Variants in VPS37A observed in about 807,000 individuals in gnomAD.
VPS37A encodes the protein VPS37A subunit of ESCRT-I.
A neutral mutation model predicts 49.8 loss-of-function variants in VPS37A; 30 were observed. That is an observed-to-expected ratio of 0.60 (90% confidence interval 0.45 to 0.82). The LOEUF is 0.82. Ranked by LOEUF, VPS37A falls within the 40% of genes least tolerant of loss-of-function variation. The pLI, the probability that VPS37A is intolerant of heterozygous loss-of-function variation, is 0.00. For missense variants in VPS37A, 593 were observed against 464.4 expected, an observed-to-expected ratio of 1.28 and a Z score of -2.55; for synonymous variants, 195 against 160.6, an observed-to-expected ratio of 1.21 and a Z score of -1.62.
downstream of VPS37A, chr8:17,299,454 A>G (rs567662940): frequency 6.1e-5 from 10 of 164,924 alleles, no homozygotes; most frequent in South Asian, 1.6e-3. Flanking sequence ...TGCTTTAGAA[A>G]ACACAAAATA....
downstream of VPS37A, chr8:17,304,647 T>G (rs1336137843): frequency 1.1e-6 from 1 of 896,034 alleles, no homozygotes; most frequent in Non-Finnish European, 1.7e-6. Context: ...CGATAGCAGG[T>G]AAATGTATCA....
chr8:17,288,226 TTTA>T (rs1366219223), intron 11 of VPS37A, among the ~76,000 whole-genome samples: 1 of 152,136 alleles, frequency 6.6e-6, no homozygotes, highest in Non-Finnish European at 1.5e-5. Context: ...GAAAATCTTT[TTTA>T]TTATTATTAT....
intron 11 of VPS37A, among the ~76,000 whole-genome samples, chr8:17,292,613 A>G (rs1180842053): frequency 6.6e-6 from 1 of 152,004 alleles, no homozygotes; most frequent in Non-Finnish European, 1.5e-5. Context: ...ATTCCTTTCC[A>G]TGTTTAGTGC....
chr8:17,315,459 A>G, the VPS37A span, among the ~76,000 whole-genome samples: 6 of 152,180 alleles, frequency 3.9e-5, no homozygotes, highest in Admixed American at 6.5e-5. Context: ...GGAACCGTAC[A>G]GTGGACTTTG....
chr8:17,275,087 T>C, intron 5 of VPS37A, 129 bp downstream of exon 5: 2 of 876,828 alleles, frequency 2.3e-6, no homozygotes, highest in Non-Finnish European at 3.5e-6. Flanking sequence ...ACTCACATTT[T>C]TCAATTCAAG....
At chr8:17,304,448 AAC>A, downstream of VPS37A, 1 of 1,614,126 alleles carries the variant, frequency 6.2e-7, no homozygotes, top group East Asian at 2.2e-5. Flanking sequence ...ATCAGCTCTA[AAC>A]AGAGGATTCA....
intron 4 of VPS37A, among the ~76,000 whole-genome samples, chr8:17,270,377 C>T (rs1563259839): frequency 6.6e-6 from 1 of 152,052 alleles, no homozygotes; most frequent in Non-Finnish European, 1.5e-5. Flanking sequence ...TACCTGGTGT[C>T]GTCTGGCAGT....
intron 11 of VPS37A, among the ~76,000 whole-genome samples, chr8:17,294,327 C>T (rs533248725): frequency 1.3e-5 from 2 of 152,252 alleles, no homozygotes; most frequent in South Asian, 4.1e-4. Context: ...CATCCCAGGT[C>T]GACCTCAGAC....
chr8:17,317,087 T>C, the VPS37A span, among the ~76,000 whole-genome samples: 1 of 152,242 alleles, frequency 6.6e-6, no homozygotes, highest in Non-Finnish European at 1.5e-5. Context: ...TTTTCTTCTC[T>C]GAATGTTGTT....
intron 11 of VPS37A, among the ~76,000 whole-genome samples, chr8:17,289,166 C>T (rs557182415): frequency 6.6e-6 from 1 of 152,142 alleles, no homozygotes; most frequent in Non-Finnish European, 1.5e-5. Flanking sequence ...CCTGTTGATT[C>T]TGATGGTAGT....
At chr8:17,322,968 G>C in the VPS37A span, among the ~76,000 whole-genome samples, 1 of 33,570 alleles carries the variant, frequency 3.0e-5, no homozygotes, top group Non-Finnish European at 5.3e-5. Flanking sequence ...TTTTTTTTTT[G>C]AGACAGTCTT....
At chr8:17,274,036 T>C (rs1814265488) in intron 4 of VPS37A, among the ~76,000 whole-genome samples, 1 of 152,226 alleles carries the variant, frequency 6.6e-6, no homozygotes, top group African/African-American at 2.4e-5. Flanking sequence ...TAGGTCTGAA[T>C]TACTCTAATG....
downstream of VPS37A, chr8:17,302,491 GAA>G: frequency 2.1e-6 from 1 of 483,912 alleles, no homozygotes; most frequent in Non-Finnish European, 3.6e-6. Flanking sequence ...ATAAGTTTAT[GAA>G]AAGTCTGCCT....
chr8:17,302,090 C>G, downstream of VPS37A: 1 of 1,599,958 alleles, frequency 6.3e-7, no homozygotes, highest in Non-Finnish European at 8.6e-7. Flanking sequence ...AAGAGGCTTT[C>G]ATGAAGCCTT....
At chr8:17,318,214 T>C in the VPS37A span, among the ~76,000 whole-genome samples, 1 of 152,128 alleles carries the variant, frequency 6.6e-6, no homozygotes, top group African/African-American at 2.4e-5. Flanking sequence ...ACCTTCCTTA[T>C]GCACGGAAGC....
chr8:17,307,987 T>C, the VPS37A span, among the ~76,000 whole-genome samples: 1 of 151,844 alleles, frequency 6.6e-6, no homozygotes, highest in Non-Finnish European at 1.5e-5. Context: ...TGTATATATA[T>C]GTAACAAACC....
chr8:17,319,745 C>T, the VPS37A span, among the ~76,000 whole-genome samples: 17,055 of 152,158 alleles, frequency 0.11, 1,253 homozygotes, highest in East Asian at 0.29. Context: ...CTGATGGATA[C>T]GTGGTGAGAC....
chr8:17,306,343 A>AT (rs919583906), downstream of VPS37A, among the ~76,000 whole-genome samples: 4 of 151,826 alleles, frequency 2.6e-5, no homozygotes, highest in Non-Finnish European at 4.4e-5. Flanking sequence ...AAGGCTCTTC[A>AT]TTTTTTGCGC....
Position 17,279,906 on chromosome 8 carries a change from T to A in VPS37A, c.714-122T>A, listed in dbSNP as rs757902085. The A allele has an allele frequency of 5.0e-6, 6 of 1,209,286 alleles. No homozygotes were observed. The East Asian group carries it at 1.2e-4, about 25-fold the overall frequency. The allele number at this position is 1,209,286 out of a possible 1,614,324, so 74.9% of individuals were successfully genotyped here. A position where few individuals can be genotyped will look rare whatever the true frequency, so the allele number is the denominator to read the frequency against. On this transcript the variant is annotated intron_variant, in intron 6 of 11. Coordinates refer to ENST00000324849, the MANE Select transcript of VPS37A (RefSeq NM_152415.3). ...TAAGGTTAAAACTGGCAGCCTTAGG[T>A]GTATATGTAAAAATTATTTAGAACC... is the stretch of plus-strand genomic sequence containing the variant.
Sources: allele counts gnomAD v4.1 joint callset (sites outside exome capture counted in the v4.1 genomes callset), GRCh38; gene constraint gnomAD v4.1.1; transcripts MANE v1.5; gene names NCBI Gene and HGNC (gene_info 2026-07-23, HGNC 2026-07-21).